Variants in KANSL1 observed in about 807,000 individuals in gnomAD.
KANSL1 encodes the protein MLL1/MLL complex subunit KANSL1.
Under a neutral mutation model 103.6 loss-of-function variants are expected in KANSL1, and 22 were observed. The observed-to-expected ratio is 0.21, with a 90% CI of 0.15 to 0.30. The LOEUF is 0.30. Ranked by LOEUF, KANSL1 falls within the 10% of genes least tolerant of loss-of-function variation. The pLI, the probability that KANSL1 is intolerant of heterozygous loss-of-function variation, is 1.00. For missense variants in KANSL1, 1,337 were observed against 1,399.8 expected (o/e 0.96, Z 0.72); for synonymous variants, 600 against 527.6 (o/e 1.14, Z -1.88).
At chr17:46,176,203 G>A (rs1467698767) in intron 1 of KANSL1, among the ~76,000 whole-genome samples, 2 of 152,194 alleles carry the variant, frequency 1.3e-5, no homozygotes, top group Admixed American at 1.3e-4. Context: ...GAGGACCCAA[G>A]CAAGGGCACA....
At chr17:46,086,192 A>G (rs995802222) in intron 3 of KANSL1, among the ~76,000 whole-genome samples, 2 of 151,918 alleles carry the variant, frequency 1.3e-5, no homozygotes, top group Admixed American at 6.6e-5. Context: ...CGCAGTCAGT[A>G]TTTTCCAAAG....
intron 4 of KANSL1, among the ~76,000 whole-genome samples, chr17:46,071,149 T>C (rs2078563098): frequency 6.6e-6 from 1 of 152,188 alleles, no homozygotes; most frequent in African/African-American, 2.4e-5. Flanking sequence ...GAAACCTGAA[T>C]CTTCCTGGAG....
Position 46,034,190 on chromosome 17 carries a change from T to C in KANSL1, c.2637A>G (p.Lys879=). The change falls in exon 11 of 15, where the codon AAA becomes AAG. Residue 879 remains lysine (K), a synonymous_variant. Transcript: ENST00000432791. The part of the protein sequence containing the change: ...MSVAATTRVE[K]LQYKEILTPS... The stretch of plus-strand genomic sequence containing the variant: ...GCGTAAGGATTTCCTTGTATTGCAG[T>C]TTCTCTACGCGAGTTGTTGCAGCAA... 6.2e-7 allele frequency: 1 copy of C among 1,614,130 alleles called. No individual in the cohort carries two copies. The highest frequency in any genetic ancestry group is 2.2e-5 in the East Asian group (1 of 44,886).
chr17:46,036,759 G>A (rs1395838764), intron 10 of KANSL1, among the ~76,000 whole-genome samples: 6 of 150,562 alleles, frequency 4.0e-5, no homozygotes, highest in Admixed American at 3.3e-4. Flanking sequence ...TTGCTGCGAC[G>A]CCCAGGCTTG....
intron 2 of KANSL1, among the ~76,000 whole-genome samples, chr17:46,115,399 G>A (rs1381520809): frequency 6.6e-6 from 1 of 151,884 alleles, no homozygotes; most frequent in Admixed American, 6.6e-5. Flanking sequence ...AGAAAGTGCA[G>A]ATTTTCTGTC....
At chr17:46,125,056 G>A (rs1218744287) in intron 2 of KANSL1, among the ~76,000 whole-genome samples, 2 of 64,082 alleles carry the variant, frequency 3.1e-5, no homozygotes, top group African/African-American at 1.4e-4. Context: ...AGGAGGGAGG[G>A]AGGAGGGAGG....
rs1043158115 is a variant in KANSL1, at chr17:46,113,636, T to A, written c.1290-18935A>T. Among the ~76,000 whole-genome samples, 56 of 147,718 alleles carry A rather than the reference T, an allele frequency of 3.8e-4. No homozygotes were observed. The East Asian group carries it at 0.01, about 28-fold the overall frequency. ...CATCCAAAAAACTCATGAGTTGGAC[T>A]AAAAAAAAAACAAAAAAACCTACGA... On this transcript the variant is annotated intron_variant, in intron 2 of 14. Coordinates refer to ENST00000432791, the MANE Select transcript of KANSL1 (RefSeq NM_015443.4).
intron 2 of KANSL1, among the ~76,000 whole-genome samples, chr17:46,149,306 C>T (rs982492232): frequency 4.6e-5 from 7 of 152,312 alleles, no homozygotes; most frequent in Admixed American, 4.6e-4. Flanking sequence ...CAGCCTGCCT[C>T]TTTTTTTCTA....
intron 4 of KANSL1, among the ~76,000 whole-genome samples, chr17:46,076,821 C>T (rs2078792962): frequency 1.3e-5 from 2 of 151,948 alleles, no homozygotes; most frequent in African/African-American, 2.4e-5. Context: ...ACTGTTTCTC[C>T]GGGTTATTTT....
At chr17:46,155,155 A>ATTTTTTTTTTTTTTTTTTTTTTTTTTTT (rs33974360) in intron 2 of KANSL1, among the ~76,000 whole-genome samples, 6 of 103,854 alleles carry the variant, frequency 5.8e-5, no homozygotes, top group Non-Finnish European at 7.2e-5. Flanking sequence ...TCAGCCAGGG[A>ATTTTTTTTTTTTTTTTTTTTTTTTTTTT]TTTTTTTTTT....
intron 2 of KANSL1, among the ~76,000 whole-genome samples, chr17:46,167,615 A>G (rs2046071043): frequency 6.6e-6 from 1 of 152,198 alleles, no homozygotes. Flanking sequence ...ATTTTCCAAG[A>G]AGAGTTTAAA....
chr17:46,036,353 T>C (rs1440733352), intron 10 of KANSL1, among the ~76,000 whole-genome samples: 2 of 152,190 alleles, frequency 1.3e-5, no homozygotes, highest in African/African-American at 4.8e-5. Context: ...TCTGGCTTCT[T>C]TACTTGATTT....
chr17:46,158,186 C>G (rs1033394569), intron 2 of KANSL1, among the ~76,000 whole-genome samples: 2 of 152,180 alleles, frequency 1.3e-5, no homozygotes, highest in Non-Finnish European at 2.9e-5. Flanking sequence ...CTTATTTGTT[C>G]TACATAAATG....
At chr17:46,033,269 C>T in intron 12 of KANSL1, 77 bp from the exon 13 acceptor site, 1 of 1,436,766 alleles carries the variant, frequency 7.0e-7, no homozygotes, top group South Asian at 1.2e-5. Context: ...CTAGGTTCTT[C>T]CCGGTCACGA....
chr17:46,117,730 T>C (rs1223703223), intron 2 of KANSL1, among the ~76,000 whole-genome samples: 1 of 151,830 alleles, frequency 6.6e-6, no homozygotes, highest in Non-Finnish European at 1.5e-5. Flanking sequence ...AATTAAAACA[T>C]AAATAAATAA....
intron 2 of KANSL1, among the ~76,000 whole-genome samples, chr17:46,161,977 A>G (rs1053377848): frequency 7.2e-5 from 11 of 152,374 alleles, no homozygotes; most frequent in Admixed American, 4.6e-4. Flanking sequence ...TTTGTCTACC[A>G]TGGTACAAGA....
intron 3 of KANSL1, among the ~76,000 whole-genome samples, chr17:46,084,936 C>T (rs2079110794): frequency 6.6e-6 from 1 of 152,130 alleles, no homozygotes; most frequent in African/African-American, 2.4e-5. Flanking sequence ...TACACCACTG[C>T]CTTCTCAAAA....
chr17:46,209,184 CA>C (rs901012066), intron 1 of KANSL1, among the ~76,000 whole-genome samples: 31 of 143,256 alleles, frequency 2.2e-4, no homozygotes, highest in African/African-American at 7.1e-4. Context: ...AACTCCATCT[CA>C]AAAAAAAAAG....
chr17:46,177,838 C>T (rs2046597960), intron 1 of KANSL1, among the ~76,000 whole-genome samples: 2 of 151,782 alleles, frequency 1.3e-5, no homozygotes. Flanking sequence ...AGAGCAGTGG[C>T]GTGATCTAAG....
Sources: gnomAD v4.1 joint callset for allele counts (sites outside exome capture counted in the v4.1 genomes callset) on GRCh38, gnomAD v4.1.1 for gene constraint, MANE v1.5 for transcripts, NCBI Gene and HGNC (gene_info 2026-07-23, HGNC 2026-07-21) for gene names.